PLXNA4: variants seen among roughly 807,000 people sequenced by gnomAD.
PLXNA4 encodes the protein plexin A4, also known as plexin-A4.
PLXNA4 carries 44 observed loss-of-function variants against 191.8 expected under a neutral mutation model. The observed-to-expected ratio is 0.23, with a 90% CI of 0.18 to 0.29. The LOEUF (loss-of-function observed/expected upper bound fraction) is 0.29. Ranked by LOEUF, PLXNA4 falls within the 10% of genes least tolerant of loss-of-function variation. PLXNA4 has a pLI of 1.00. For missense variants in PLXNA4, 1,800 were observed against 2,488.8 expected, an observed-to-expected ratio of 0.72 and a Z score of 5.89; for synonymous variants, 1,082 against 1,009.5, an observed-to-expected ratio of 1.07 and a Z score of -1.36.
At chr7:132,182,670 T>C (rs1796748880) in intron 16 of PLXNA4, among the ~76,000 whole-genome samples, 2 of 152,206 alleles carry the variant, frequency 1.3e-5, no homozygotes, top group East Asian at 3.9e-4. Flanking sequence ...GCAATCGTTC[T>C]ATAATTTTCT....
At chr7:132,367,193 T>C (rs967743598) in intron 3 of PLXNA4, among the ~76,000 whole-genome samples, 1 of 152,222 alleles carries the variant, frequency 6.6e-6, no homozygotes, top group African/African-American at 2.4e-5. Flanking sequence ...ATTAACTACA[T>C]TGGCTATGTT....
intron 15 of PLXNA4, 58 bp downstream of exon 15, chr7:132,187,413 C>T: frequency 1.3e-6 from 2 of 1,569,408 alleles, no homozygotes; most frequent in Non-Finnish European, 1.7e-6. Context: ...ACCCTGAAGT[C>T]ATTTACCTGT....
At chr7:132,168,676 A>C in intron 21 of PLXNA4, 104 bp from the exon 22 acceptor site, 1 of 1,424,570 alleles carries the variant, frequency 7.0e-7, no homozygotes, top group Non-Finnish European at 9.2e-7. Context: ...TCATCCACCA[A>C]TTAAGCCACA....
chr7:132,433,199 T>C (rs1795339252), intron 3 of PLXNA4, among the ~76,000 whole-genome samples: 1 of 152,194 alleles, frequency 6.6e-6, no homozygotes, highest in Non-Finnish European at 1.5e-5. Context: ...GAAAAATCAA[T>C]AGTTTTGACT....
intron 4 of PLXNA4, among the ~76,000 whole-genome samples, chr7:132,275,465 A>T (rs1179152109): frequency 2.6e-5 from 4 of 152,164 alleles, no homozygotes; most frequent in African/African-American, 7.2e-5. Flanking sequence ...ACGACCATAA[A>T]ACCAGACACT....
chr7:132,148,267 A>C (rs895694541), intron 26 of PLXNA4, among the ~76,000 whole-genome samples: 5 of 152,114 alleles, frequency 3.3e-5, no homozygotes, highest in Non-Finnish European at 7.3e-5. Context: ...CTGGAAGATG[A>C]CCCAGCCTTA....
chr7:132,426,860 A>G (rs1447700561), intron 3 of PLXNA4, among the ~76,000 whole-genome samples: 1 of 152,204 alleles, frequency 6.6e-6, no homozygotes, highest in African/African-American at 2.4e-5. Flanking sequence ...TTTAAATTAA[A>G]TTTAACTTGT....
At chr7:132,463,938 T>C (rs924528512) in intron 3 of PLXNA4, among the ~76,000 whole-genome samples, 1 of 152,112 alleles carries the variant, frequency 6.6e-6, no homozygotes, top group African/African-American at 2.4e-5. Context: ...GTCCAATACA[T>C]CTCAGGGTCC....
intron 1 of PLXNA4, among the ~76,000 whole-genome samples, chr7:132,573,762 A>G (rs1802089371): frequency 6.6e-6 from 1 of 152,166 alleles, no homozygotes; most frequent in Non-Finnish European, 1.5e-5. Flanking sequence ...GAGCCCGGGG[A>G]GGCGTGATTG....
At chr7:132,642,915 G>A (rs374742805) in intron 2 of PLXNA4, among the ~76,000 whole-genome samples, 1 of 152,112 alleles carries the variant, frequency 6.6e-6, no homozygotes, top group Non-Finnish European at 1.5e-5. Context: ...AGTATGATAC[G>A]ATATAATTTG....
At chr7:132,158,949 C>T (rs1439129857) in intron 25 of PLXNA4, among the ~76,000 whole-genome samples, 1 of 152,206 alleles carries the variant, frequency 6.6e-6, no homozygotes, top group Non-Finnish European at 1.5e-5. Flanking sequence ...CTCCAGCAGG[C>T]TTTCAAATCT....
chr7:132,311,678 A>G (rs1454429978), intron 3 of PLXNA4, among the ~76,000 whole-genome samples: 1 of 152,110 alleles, frequency 6.6e-6, no homozygotes, highest in Non-Finnish European at 1.5e-5. Flanking sequence ...CGTCCCACAC[A>G]TCTCTCCAGC....
chr7:132,544,487 A>C (rs891875762), intron 1 of PLXNA4, among the ~76,000 whole-genome samples: 3 of 152,222 alleles, frequency 2.0e-5, no homozygotes, highest in African/African-American at 7.2e-5. Context: ...ATTGGATTAC[A>C]AGCCAGGAAG....
intron 3 of PLXNA4, among the ~76,000 whole-genome samples, chr7:132,351,588 C>CAAGAT (rs1303336999): frequency 6.6e-6 from 1 of 152,170 alleles, no homozygotes; most frequent in African/African-American, 2.4e-5. Flanking sequence ...GGTGCATGCC[C>CAAGAT]AAGATACCTG....
chr7:132,202,667 G>T lies in PLXNA4; in HGVS notation c.2565C>A (p.Cys855Ter). The change falls in exon 12 of 32, where the codon TGC becomes TGA. Residue 855 changes from cysteine (C) to a stop codon, truncating the protein, a stop_gained. Coordinates refer to ENST00000321063, the MANE Select transcript of PLXNA4 (RefSeq NM_020911.2). LOFTEE classifies it high-confidence loss of function. ...WLELSGAKSK[C>*]TNPRITEIIP... ...TTACCTCTGTGATGCGGGGGTTTGTGCACTTGCTTTTGGCACCAGACAGCT... is the reference window on the plus strand; with the variant it reads ...TTACCTCTGTGATGCGGGGGTTTGTTCACTTGCTTTTGGCACCAGACAGCT... 6.5e-7 allele frequency: 1 copy of T among 1,544,638 alleles called. No homozygotes were observed. The highest frequency in any genetic ancestry group is 1.2e-5 in the South Asian group (1 of 80,808).
chr7:132,215,587 G>A, intron 9 of PLXNA4, among the ~76,000 whole-genome samples: 1 of 152,062 alleles, frequency 6.6e-6, no homozygotes, highest in East Asian at 1.9e-4. Flanking sequence ...GAGGATGGGG[G>A]TATGTTGCCA....
At chr7:132,179,057 C>T (rs1392794968) in intron 20 of PLXNA4, among the ~76,000 whole-genome samples, 2 of 48,422 alleles carry the variant, frequency 4.1e-5, no homozygotes, top group Non-Finnish European at 9.4e-5. Flanking sequence ...CACACACACA[C>T]GGCCTCCAGC....
intron 8 of PLXNA4, 140 bp downstream of exon 8, chr7:132,226,021 G>C: frequency 1.4e-6 from 1 of 713,008 alleles, no homozygotes. Context: ...CTCCCTGTGG[G>C]TACCAGAGGA....
chr7:132,360,651 G>A lies in PLXNA4; in HGVS notation c.1372-62429C>T, dbSNP rs146478464. 5.7e-3 allele frequency among the ~76,000 whole-genome samples: 868 copies of A among 152,302 alleles called. 10 individuals carry two copies. Among genetic ancestry groups the A allele is most frequent in the African/African-American group, 0.02 (815 of 41,574 alleles). The stretch of plus-strand genomic sequence containing the variant: ...ATAAAAATGGACCAATTTGGAAGAA[G>A]AGGCCCCAAACCCCCCATAGAGTTG... On this transcript the variant is annotated intron_variant, in intron 3 of 31. Coordinates refer to ENST00000321063, the MANE Select transcript of PLXNA4 (RefSeq NM_020911.2).
Sources: allele counts gnomAD v4.1 joint callset (sites outside exome capture counted in the v4.1 genomes callset), GRCh38; gene constraint gnomAD v4.1.1; transcripts MANE v1.5; gene names NCBI Gene and HGNC (gene_info 2026-07-23, HGNC 2026-07-21).